Variants in SPICE1 observed in about 807,000 individuals in gnomAD.
SPICE1 encodes spindle and centriole-associated protein 1.
SPICE1 carries 75 observed loss-of-function variants against 102.7 expected under a neutral mutation model. The observed-to-expected ratio is 0.73, with a 90% CI of 0.61 to 0.88. SPICE1 has a LOEUF of 0.88. Among genes scored for constraint, SPICE1 ranks in the 40% least tolerant of loss-of-function variants. The probability of loss-of-function intolerance (pLI) is 0.00; values close to 1 mark genes in which losing one functional copy is unlikely to be tolerated. For synonymous variants in SPICE1, 308 were observed against 350.3 expected (o/e 0.88, Z 1.35); for missense variants, 979 against 1,020.1 (o/e 0.96, Z 0.55).
At position 113,493,117 on chromosome 3, in the gene SPICE1, T is replaced by C. The variant is rs1638551461; in HGVS notation, c.492+89A>G. The C allele has an allele frequency of 6.3e-6, 6 of 951,324 alleles. No homozygotes were observed. In the African/African-American group the frequency reaches 8.4e-5, roughly 13 times the overall value. The allele number at this position is 951,324 out of a possible 1,614,324, so 58.9% of individuals were successfully genotyped here. Reference sequence around the variant, plus strand: ...AACCACAACTAGCACTTGTTGATATTTAAACTTTTAAAATATTTACCACAA... The same window carrying C: ...AACCACAACTAGCACTTGTTGATATCTAAACTTTTAAAATATTTACCACAA... On this transcript the variant is annotated intron_variant, in intron 6 of 17. Transcript: ENST00000295872.
At chr3:113,492,715 A>G (rs1936792465) in intron 6 of SPICE1, among the ~76,000 whole-genome samples, 1 of 152,222 alleles carries the variant, frequency 6.6e-6, no homozygotes, top group East Asian at 1.9e-4. Flanking sequence ...GTCCCATTTA[A>G]CAAAAAACGA....
intron 7 of SPICE1, among the ~76,000 whole-genome samples, chr3:113,474,278 T>C (rs1188829505): frequency 6.6e-6 from 1 of 152,054 alleles, no homozygotes; most frequent in Non-Finnish European, 1.5e-5. Context: ...AGCACCCAGA[T>C]TCATAAAGCA....
chr3:113,493,972 G>C, intron 5 of SPICE1, 77 bp downstream of exon 5: 2 of 962,284 alleles, frequency 2.1e-6, no homozygotes. Flanking sequence ...GCCTAAGAAA[G>C]GACTTTAAAT....
At position 113,477,063 on chromosome 3, in the gene SPICE1, A is replaced by C. The variant is rs977976477; in HGVS notation, c.612-7825T>G. ...GACAAAGGGCTAATATCCAGAATCTACAAAGAACTCAAACAAATTTACAAG... is the reference window on the plus strand; with the variant it reads ...GACAAAGGGCTAATATCCAGAATCTCCAAAGAACTCAAACAAATTTACAAG... On this transcript the variant is annotated intron_variant, in intron 7 of 17. Transcript: ENST00000295872. Among the ~76,000 whole-genome samples, 7 of 151,986 alleles carry C rather than the reference A, an allele frequency of 4.6e-5. No homozygotes were observed. The East Asian group carries it at 5.8e-4, about 13-fold the overall frequency.
At chr3:113,446,368 A>G (rs1935513610) in intron 17 of SPICE1, among the ~76,000 whole-genome samples, 3 of 152,228 alleles carry the variant, frequency 2.0e-5, no homozygotes, top group Admixed American at 1.3e-4. Context: ...AGGACTGTTG[A>G]ATATCCTATT....
chr3:113,475,479 C>CA (rs1001641968), intron 7 of SPICE1, among the ~76,000 whole-genome samples: 12 of 151,262 alleles, frequency 7.9e-5, no homozygotes, highest in Admixed American at 7.2e-4. Context: ...GAGACACAAC[C>CA]AAAAAAGAGA....
At chr3:113,461,831 C>T (rs7650538) in intron 11 of SPICE1, among the ~76,000 whole-genome samples, 81,839 of 151,976 alleles carry the variant, frequency 0.54, 23,271 homozygotes, top group African/African-American at 0.71. Flanking sequence ...ATATTATTAA[C>T]AGTACTGCTG....
chr3:113,463,320 G>A (rs1224807764), intron 11 of SPICE1, among the ~76,000 whole-genome samples: 1 of 152,058 alleles, frequency 6.6e-6, no homozygotes, highest in Non-Finnish European at 1.5e-5. Context: ...TCTATATTTT[G>A]TTCACTATTC....
At chr3:113,456,263 T>C (rs763320998) in intron 13 of SPICE1, among the ~76,000 whole-genome samples, 25 of 152,066 alleles carry the variant, frequency 1.6e-4, no homozygotes, top group Admixed American at 2.0e-4. Context: ...AAAATTTGTA[T>C]GTCCCAATAA....
intron 11 of SPICE1, among the ~76,000 whole-genome samples, chr3:113,463,823 C>T (rs1935988492): frequency 6.6e-6 from 1 of 152,330 alleles, no homozygotes; most frequent in Non-Finnish European, 1.5e-5. Flanking sequence ...AATCCCAACA[C>T]TTTGGGAGGC....
intron 7 of SPICE1, among the ~76,000 whole-genome samples, chr3:113,480,170 G>T (rs1015473764): frequency 1.3e-5 from 2 of 151,642 alleles, no homozygotes; most frequent in Non-Finnish European, 2.9e-5. Context: ...AAATTGGCTT[G>T]AGAAGAAATA....
At chr3:113,503,950 A>G (rs890490218) in intron 2 of SPICE1, among the ~76,000 whole-genome samples, 20 of 151,822 alleles carry the variant, frequency 1.3e-4, no homozygotes, top group East Asian at 9.6e-4. Context: ...AAAAAAAAAA[A>G]AAAGAAAGTG....
intron 13 of SPICE1, among the ~76,000 whole-genome samples, chr3:113,455,460 T>C (rs1182435099): frequency 6.6e-6 from 1 of 152,228 alleles, no homozygotes; most frequent in Non-Finnish European, 1.5e-5. Flanking sequence ...AAATTTAAAA[T>C]TCAGTTTCTC....
At position 113,494,602 on chromosome 3, in the gene SPICE1, C is replaced by T. The variant is rs1373510839; in HGVS notation, c.292-460G>A. Among the ~76,000 whole-genome samples, 24 of 150,894 alleles carry T rather than the reference C, an allele frequency of 1.6e-4. No homozygotes were observed. In the East Asian group the frequency reaches 4.7e-3, roughly 29 times the overall value. On this transcript the variant is annotated intron_variant, in intron 4 of 17. Coordinates refer to ENST00000295872, the MANE Select transcript of SPICE1 (RefSeq NM_144718.4). ...GCGGAGCTTGCAGTGAGCCGAGATC[C>T]CGCCACTGCACTCCAGCCTGGGCGA...
chr3:113,465,304 G>A (rs578115004), intron 11 of SPICE1, among the ~76,000 whole-genome samples: 53 of 152,198 alleles, frequency 3.5e-4, no homozygotes, highest in African/African-American at 1.3e-3. Context: ...ACTCCTCAAA[G>A]GCTACCTTCT....
chr3:113,475,661 TA>T (rs1291505044), intron 7 of SPICE1, among the ~76,000 whole-genome samples: 5 of 152,090 alleles, frequency 3.3e-5, no homozygotes, highest in African/African-American at 1.2e-4. Flanking sequence ...ATCCAGCATA[TA>T]AACAGAACCA....
intron 3 of SPICE1, among the ~76,000 whole-genome samples, chr3:113,501,673 T>A (rs556177596): frequency 6.6e-6 from 1 of 152,138 alleles, no homozygotes; most frequent in Non-Finnish European, 1.5e-5. Context: ...ATGCTTAACA[T>A]CCTTTATCAA....
chr3:113,507,478 AAG>A (rs1937134483), intron 1 of SPICE1, among the ~76,000 whole-genome samples: 1 of 152,048 alleles, frequency 6.6e-6, no homozygotes, highest in Non-Finnish European at 1.5e-5. Flanking sequence ...TATTTTCCTT[AAG>A]TACTTTTTTT....
intron 2 of SPICE1, 49 bp from the exon 3 acceptor site, chr3:113,503,276 T>C (rs764863414): frequency 1.0e-5 from 15 of 1,454,802 alleles, no homozygotes; most frequent in Middle Eastern, 2.4e-4. Flanking sequence ...AGTTTTCTTA[T>C]AAAATATACA....
Sources: allele counts gnomAD v4.1 joint callset (sites outside exome capture counted in the v4.1 genomes callset), GRCh38; gene constraint gnomAD v4.1.1; transcripts MANE v1.5; gene names NCBI Gene and HGNC (gene_info 2026-07-23, HGNC 2026-07-21).